The following CRY2 variants were observed in gnomAD, a reference collection of about 807,000 sequenced individuals.
CRY2 encodes cryptochrome circadian regulator 2, also known as cryptochrome-2.
A neutral mutation model predicts 69.5 loss-of-function variants in CRY2; 31 were observed. That is an observed-to-expected ratio of 0.45 (90% CI 0.34 to 0.60). CRY2 has a LOEUF of 0.60. Among genes scored for constraint, CRY2 ranks in the 20% least tolerant of loss-of-function variants. The probability of loss-of-function intolerance (pLI) is 0.02; values close to 1 mark genes in which losing one functional copy is unlikely to be tolerated. For synonymous variants in CRY2, 303 were observed against 312.2 expected, an observed-to-expected ratio of 0.97 and a Z score of 0.31; for missense variants, 606 against 797.8, an observed-to-expected ratio of 0.76 and a Z score of 2.90.
At chr11:45,863,925 A>G (rs1270743434) in intron 5 of CRY2, among the ~76,000 whole-genome samples, 3 of 152,218 alleles carry the variant, frequency 2.0e-5, no homozygotes, top group East Asian at 3.8e-4. Context: ...GTTACTCAAT[A>G]GTAGATGAGG....
At chr11:45,850,794 C>T (rs1187435125) in intron 1 of CRY2, among the ~76,000 whole-genome samples, 1 of 152,116 alleles carries the variant, frequency 6.6e-6, no homozygotes, top group African/African-American at 2.4e-5. Context: ...GAGGGGAGGA[C>T]CCAAAATCTG....
intron 11 of CRY2, among the ~76,000 whole-genome samples, chr11:45,877,883 C>G (rs1276520895): frequency 6.6e-6 from 1 of 152,184 alleles, no homozygotes; most frequent in Non-Finnish European, 1.5e-5. Context: ...GCTTTGTAGG[C>G]GAGGCCAAGT....
At chr11:45,863,580 A>G (rs563159748) in intron 5 of CRY2, among the ~76,000 whole-genome samples, 1 of 151,032 alleles carries the variant, frequency 6.6e-6, no homozygotes, top group Non-Finnish European at 1.5e-5. Flanking sequence ...CAGTTCTCCA[A>G]ATCTGAAGGG....
chr11:45,847,910 CT>C (rs959557229), intron 1 of CRY2, among the ~76,000 whole-genome samples: 3 of 152,228 alleles, frequency 2.0e-5, no homozygotes, highest in African/African-American at 4.8e-5. Context: ...ACTGTTACCC[CT>C]TTGAGCCTCA....
chr11:45,850,256 C>T (rs374494871), intron 1 of CRY2, among the ~76,000 whole-genome samples: 220 of 152,172 alleles, frequency 1.4e-3, no homozygotes, highest in South Asian at 0.011. Context: ...CAATCACCTG[C>T]GTCAACCTCC....
rs1456191199 is a variant in CRY2 at position 45,881,629 on chromosome 11, G to A, written c.*718G>A. The stretch of plus-strand genomic sequence containing the variant: ...TGGGGTATGCCTGGTACTGTAATAG[G>A]AGCCTAAGACAGCACACCTACCTTT... On this transcript the variant is annotated 3_prime_UTR_variant, in exon 12 of 12. Coordinates refer to ENST00000616080, the MANE Select transcript of CRY2 (RefSeq NM_021117.5). The A allele has an allele frequency of 2.0e-5, 3 of 152,188 alleles. No homozygotes were observed. Among genetic ancestry groups the A allele is most frequent in the Admixed American group, 2.0e-4 (3 of 15,286 alleles). 9.4% of individuals were successfully genotyped at this position (152,188 alleles called of 1,614,324 possible).
At chr11:45,871,971 G>A in intron 10 of CRY2, 121 bp from the exon 11 acceptor site, 2 of 1,369,086 alleles carry the variant, frequency 1.5e-6, no homozygotes, top group South Asian at 1.4e-5. Flanking sequence ...CTGAGGAGCA[G>A]CATGCTGGCA....
At chr11:45,858,558 T>C (rs1465738906) in intron 2 of CRY2, among the ~76,000 whole-genome samples, 173 bp from the exon 3 acceptor site, 4 of 152,224 alleles carry the variant, frequency 2.6e-5, no homozygotes, top group Admixed American at 2.6e-4. Flanking sequence ...CCTCAAACTT[T>C]CTGAACCTCA....
At chr11:45,850,341 G>T (rs2086188632) in intron 1 of CRY2, among the ~76,000 whole-genome samples, 1 of 152,178 alleles carries the variant, frequency 6.6e-6, no homozygotes, top group Non-Finnish European at 1.5e-5. Flanking sequence ...TCTTATTGCA[G>T]CAAAGCTTAA....
chr11:45,847,441 A>G (rs1297498818), upstream of CRY2: 5 of 1,593,406 alleles, frequency 3.1e-6, no homozygotes, highest in Non-Finnish European at 4.3e-6. Flanking sequence ...GGCGGGGTCC[A>G]CGTCGCCTAC....
Position 45,872,078 on chromosome 11 carries a change from A to G in CRY2, c.1643-14A>G, listed in dbSNP as rs2086387738. On this transcript the variant is annotated splice_polypyrimidine_tract_variant and intron_variant, in intron 10 of 11. Coordinates refer to ENST00000616080, the MANE Select transcript of CRY2 (RefSeq NM_021117.5). ...TGCACAGTCTGTGTGACCCTTTGAC[A>G]CGCTTCCCTACAGGCCCAAGACCAC... 2.5e-6 allele frequency: 4 copies of G among 1,613,582 alleles called. No homozygotes were observed. The East Asian group carries it at 6.7e-5, about 27-fold the overall frequency.
intron 1 of CRY2, among the ~76,000 whole-genome samples, chr11:45,848,587 T>C (rs2086170784): frequency 6.6e-6 from 1 of 152,158 alleles, no homozygotes; most frequent in South Asian, 2.1e-4. Context: ...GACATGATCA[T>C]GGAAAAAGAT....
chr11:45,856,769 C>G (rs1318390661), intron 2 of CRY2, among the ~76,000 whole-genome samples: 1 of 150,390 alleles, frequency 6.6e-6, no homozygotes, highest in Non-Finnish European at 1.5e-5. Flanking sequence ...GCACTCCAGC[C>G]TGGGCAACAG....
At chr11:45,876,193 G>T (rs929638890) in intron 11 of CRY2, among the ~76,000 whole-genome samples, 3 of 152,168 alleles carry the variant, frequency 2.0e-5, no homozygotes, top group Non-Finnish European at 4.4e-5. Context: ...CAGCCTGAAG[G>T]CTACATCCTG....
rs367937869 is a variant in CRY2, at chr11:45,847,624, G to T, written c.134G>T (p.Arg45Leu). Reference protein sequence around the residue: ...HDNPALLAAVRGARCVRCVYI... With the variant: ...HDNPALLAAVLGARCVRCVYI... ...AACCCGGCGTTGCTGGCGGCCGTGCGCGGGGCGCGCTGCGTGCGCTGCGTT... is the reference window on the plus strand; with the variant it reads ...AACCCGGCGTTGCTGGCGGCCGTGCTCGGGGCGCGCTGCGTGCGCTGCGTT... The change falls in exon 1 of 12, where the codon CGC becomes CTC. Residue 45 changes from arginine to leucine, a missense_variant. This residue lies in a region of CRY2 where 382 missense variants were observed against 508.9 expected (regional missense o/e 0.75). Coordinates refer to ENST00000616080, the MANE Select transcript of CRY2 (RefSeq NM_021117.5). The T allele has an allele frequency of 1.2e-6, 2 of 1,603,002 alleles. No homozygotes were observed. The highest frequency in any genetic ancestry group is 2.7e-5 in the African/African-American group (2 of 74,818).
chr11:45,858,387 T>TCC (rs1446836198), intron 2 of CRY2: 1 of 218,714 alleles, frequency 4.6e-6, no homozygotes, highest in African/African-American at 2.3e-5. Context: ...CACCTGTGAG[T>TCC]CAGTGCCACT....
intron 2 of CRY2, among the ~76,000 whole-genome samples, chr11:45,856,740 G>T (rs2086242437): frequency 6.6e-6 from 1 of 151,470 alleles, no homozygotes; most frequent in South Asian, 2.1e-4. Flanking sequence ...AGCTTTCAGT[G>T]AGCCGAGATT....
chr11:45,869,879 C>T, intron 7 of CRY2, 62 bp downstream of exon 7: 2 of 1,541,548 alleles, frequency 1.3e-6, no homozygotes, highest in Non-Finnish European at 1.7e-6. Flanking sequence ...CAAAGGGCAG[C>T]CCCCTTCTGG....
chr11:45,871,725 C>T (rs780925816), intron 10 of CRY2, among the ~76,000 whole-genome samples: 2 of 152,236 alleles, frequency 1.3e-5, no homozygotes, highest in Non-Finnish European at 2.9e-5. Context: ...CCATGGGCAG[C>T]ATGACTCCTC....
Sources: gnomAD v4.1 joint callset for allele counts (sites outside exome capture counted in the v4.1 genomes callset) on GRCh38, gnomAD v4.1.1 for gene constraint, gnomAD v4.1.1 regional missense constraint, MANE v1.5 for transcripts, NCBI Gene and HGNC (gene_info 2026-07-23, HGNC 2026-07-21) for gene names.